Variants in PCDHGB1 observed in about 807,000 individuals in gnomAD.
PCDHGB1 encodes the protein protocadherin gamma-B1.
A neutral mutation model predicts 56.6 loss-of-function variants in PCDHGB1; 34 were observed. The observed-to-expected ratio is 0.60, with a 90% CI of 0.46 to 0.80. PCDHGB1 has a LOEUF of 0.80. Ranked by LOEUF, PCDHGB1 falls within the 30% of genes least tolerant of loss-of-function variation. The pLI, the probability that PCDHGB1 is intolerant of heterozygous loss-of-function variation, is 0.00. For missense variants in PCDHGB1, 1,278 were observed against 1,204.6 expected (o/e 1.06, Z -0.90); for synonymous variants, 561 against 505.9 (o/e 1.11, Z -1.46).
chr5:141,401,770 T>C (rs975272408), intron 1 of PCDHGB1, among the ~76,000 whole-genome samples: 2 of 152,202 alleles, frequency 1.3e-5, no homozygotes, highest in African/African-American at 4.8e-5. Context: ...TATAAGTCTT[T>C]TGCTTGGTTT....
At chr5:141,422,111 T>A (rs763658255) in intron 1 of PCDHGB1, 1 of 1,606,408 alleles carries the variant, frequency 6.2e-7, no homozygotes, top group Admixed American at 1.7e-5. Context: ...ATATTCCAAT[T>A]GGATTCACAA....
At chr5:141,392,665 T>C (rs1169450587) in intron 1 of PCDHGB1, 3 of 818,380 alleles carry the variant, frequency 3.7e-6, no homozygotes, top group Non-Finnish European at 5.4e-6. Context: ...TGCCACAAAC[T>C]AACTGCTGGA....
intron 1 of PCDHGB1, chr5:141,362,322 T>C (rs369360424): frequency 6.2e-7 from 1 of 1,614,066 alleles, no homozygotes; most frequent in South Asian, 1.1e-5. Flanking sequence ...GTTTTCAGCC[T>C]GGTCTCAGCT....
chr5:141,387,561 A>G lies in PCDHGB1; in HGVS notation c.2409+34892A>G, dbSNP rs2090990234. 9 of 426,060 alleles carry G rather than the reference A, an allele frequency of 2.1e-5. No homozygotes were observed. The East Asian group carries it at 3.4e-4, about 16-fold the overall frequency. 26.4% of individuals were successfully genotyped at this position (426,060 alleles called of 1,614,324 possible). A position where few individuals can be genotyped will look rare whatever the true frequency, so the allele number is the denominator to read the frequency against. The stretch of plus-strand genomic sequence containing the variant: ...AGTTTTTGTTCTTTCAGTTAGGCAC[A>G]CAATTATAATTATTGCACTGGTTAA... On this transcript the variant is annotated intron_variant, in intron 1 of 3. Transcript: ENST00000523390.
intron 1 of PCDHGB1, chr5:141,364,549 GC>G (rs748045143): frequency 1.5e-5 from 25 of 1,614,000 alleles, no homozygotes; most frequent in South Asian, 1.4e-4. Flanking sequence ...GTAGGACGCA[GC>G]TTTTTGCCCT....
At chr5:141,423,219 T>C (rs775170753) in intron 1 of PCDHGB1, 3 of 1,613,752 alleles carry the variant, frequency 1.9e-6, no homozygotes, top group Admixed American at 1.7e-5. Flanking sequence ...TCACCGTGGC[T>C]GTGGCCGACA....
Position 141,357,088 on chromosome 5 carries a change from C to T in PCDHGB1, c.2409+4419C>T, listed in dbSNP as rs530114356. ...GCACACAGGCGAGGTGCGCACCGCA[C>T]GGGCCCTGCTGGACAGAGACGCGCT... On this transcript the variant is annotated intron_variant, in intron 1 of 3. Transcript: ENST00000523390. The T allele has an allele frequency of 4.7e-5, 76 of 1,613,900 alleles. No individual in the cohort carries two copies. The South Asian group carries it at 8.2e-4, about 17-fold the overall frequency.
chr5:141,371,333 T>C, intron 1 of PCDHGB1: 2 of 1,613,850 alleles, frequency 1.2e-6, no homozygotes, highest in Non-Finnish European at 1.7e-6. Context: ...AAGAGAGAGA[T>C]AGCTACACAA....
intron 1 of PCDHGB1, chr5:141,360,356 A>G: frequency 6.2e-7 from 1 of 1,613,930 alleles, no homozygotes; most frequent in Non-Finnish European, 8.5e-7. Context: ...GAGAAGGAAT[A>G]TTTCACAGTA....
rs138149681 is a variant in PCDHGB1, at chr5:141,486,735, G to A, written c.2410-8072G>A. Reference sequence around the variant, plus strand: ...CAGACAGGAGCTGTTCATGCTACTCGATCCTTTGACTATGAGCAAACCCAG... The same window carrying A: ...CAGACAGGAGCTGTTCATGCTACTCAATCCTTTGACTATGAGCAAACCCAG... On this transcript the variant is annotated intron_variant, in intron 1 of 3. Transcript: ENST00000523390. The surrounding 1 kb of genome is among the most constrained non-coding windows in gnomAD (Gnocchi z 5.0). 3.1e-4 allele frequency: 502 copies of A among 1,614,174 alleles called. 1 individual carries two copies. Among genetic ancestry groups the A allele is most frequent in the South Asian group, 1.8e-3 (161 of 91,086 alleles).
Position 141,444,152 on chromosome 5 carries a change from ATTTTTTTTTTTTTTTTT to A in PCDHGB1, c.2410-50635_2410-50619del, listed in dbSNP as rs747671382. Among the ~76,000 whole-genome samples, 167 of 33,906 alleles carry A rather than the reference ATTTTTTTTTTTTTTTTT, an allele frequency of 4.9e-3. 1 individual carries two copies. The highest frequency in any genetic ancestry group is 7.0e-3 in the Non-Finnish European group (136 of 19,318). The allele number at this position is 33,906 out of a possible 152,430, so 22.2% of individuals were successfully genotyped here. A position where few individuals can be genotyped will look rare whatever the true frequency, so the allele number is the denominator to read the frequency against. On this transcript the variant is annotated intron_variant, in intron 1 of 3. Coordinates refer to ENST00000523390, the MANE Select transcript of PCDHGB1 (RefSeq NM_018922.3). ...GATATGTGTCACTTGTGTGTACTGG[ATTTTTTTTTTTTTTTTT>A]TTTTTTTTTTTTTTTTTTTGAGATG...
rs376221362 is a variant in PCDHGB1, at chr5:141,389,239, A to G, written c.2409+36570A>G. 8.2e-5 allele frequency: 132 copies of G among 1,614,008 alleles called. No homozygotes were observed. The highest frequency in any genetic ancestry group is 6.6e-4 in the Middle Eastern group (4 of 6,062). ...AATGACAACGCTCCGGTTTTCTCAC[A>G]GTCTTCCTATATAGTCCACGTGGCC... On this transcript the variant is annotated intron_variant, in intron 1 of 3. Coordinates refer to ENST00000523390, the MANE Select transcript of PCDHGB1 (RefSeq NM_018922.3).
At chr5:141,371,209 G>T in intron 1 of PCDHGB1, 1 of 1,614,006 alleles carries the variant, frequency 6.2e-7, no homozygotes, top group Non-Finnish European at 8.5e-7. Context: ...ATGGATGAGG[G>T]CATCAATGCC....
intron 1 of PCDHGB1, chr5:141,439,998 G>A (rs2098143949): frequency 6.5e-6 from 1 of 153,152 alleles, no homozygotes; most frequent in Non-Finnish European, 1.5e-5. Context: ...TTGGTGGTGG[G>A]AAACCTTGCC....
intron 1 of PCDHGB1, chr5:141,387,565 T>C: frequency 2.3e-6 from 1 of 437,244 alleles, no homozygotes; most frequent in Non-Finnish European, 4.0e-6. Flanking sequence ...AGGCACACAA[T>C]TATAATTATT....
chr5:141,507,097 A>G (rs1343795018), intron 3 of PCDHGB1: 1 of 152,082 alleles, frequency 6.6e-6, no homozygotes, highest in African/African-American at 2.4e-5. Flanking sequence ...TGCTCTTTCT[A>G]CTATAGGGAC....
intron 1 of PCDHGB1, among the ~76,000 whole-genome samples, chr5:141,492,167 C>T (rs565536989): frequency 6.6e-6 from 1 of 152,344 alleles, no homozygotes; most frequent in East Asian, 1.9e-4. Context: ...CCTATCCCCG[C>T]ATCACCCAAC....
At chr5:141,384,052 A>G in intron 1 of PCDHGB1, 1 of 1,611,012 alleles carries the variant, frequency 6.2e-7, no homozygotes, top group Non-Finnish European at 8.5e-7. Context: ...GGTGACCTGC[A>G]CCATTCCAGA....
chr5:141,398,908 G>A, intron 1 of PCDHGB1: 2 of 1,613,978 alleles, frequency 1.2e-6, no homozygotes, highest in East Asian at 2.2e-5. Flanking sequence ...AGGCACCACT[G>A]TGTTGCAAGT....
Sources: allele counts gnomAD v4.1 joint callset (sites outside exome capture counted in the v4.1 genomes callset), GRCh38; gene constraint gnomAD v4.1.1; non-coding constraint Gnocchi (gnomAD v3.1); transcripts MANE v1.5; gene names NCBI Gene and HGNC (gene_info 2026-07-23, HGNC 2026-07-21).